The following GOLM1 variants were observed in gnomAD, a reference collection of about 807,000 sequenced individuals.
GOLM1 encodes the protein epididymis luminal protein 46.
Under a neutral mutation model 50.5 loss-of-function variants are expected in GOLM1, and 31 were observed. The observed-to-expected ratio is 0.61, with a 90% CI of 0.46 to 0.83. GOLM1 has a LOEUF of 0.83. GOLM1 is among the 40% of genes least tolerant of loss of function. GOLM1 has a pLI of 0.00. For missense variants in GOLM1, 491 were observed against 501.3 expected (o/e 0.98, Z 0.20); for synonymous variants, 178 against 192.8 (o/e 0.92, Z 0.64).
intron 1 of GOLM1, among the ~76,000 whole-genome samples, chr9:86,081,924 C>G (rs1217884433): frequency 6.6e-6 from 1 of 151,442 alleles, no homozygotes; most frequent in East Asian, 1.9e-4. Flanking sequence ...TTACATCCCC[C>G]TCATCCTACT....
intron 3 of GOLM1, among the ~76,000 whole-genome samples, chr9:86,074,270 A>G (rs1476481534): frequency 1.3e-5 from 2 of 152,090 alleles, no homozygotes; most frequent in African/African-American, 2.4e-5. Context: ...GACAATGTAT[A>G]AAAAAGTATT....
intron 3 of GOLM1, among the ~76,000 whole-genome samples, chr9:86,053,569 A>AC (rs1833864189): frequency 2.7e-3 from 1 of 370 alleles, no homozygotes; most frequent in Non-Finnish European, 9.1e-3. Flanking sequence ...ACACACACAC[A>AC]TCACACACAC....
chr9:86,075,932 T>C (rs1348756580), intron 3 of GOLM1, among the ~76,000 whole-genome samples: 1 of 152,178 alleles, frequency 6.6e-6, no homozygotes. Flanking sequence ...CTTGCAAATA[T>C]AGGAAAGTAC....
rs761864128 is a variant in GOLM1 at position 86,035,507 on chromosome 9, T to TC, written c.875dup (p.Ala293SerfsTer27). On this transcript the variant is annotated frameshift_variant, in exon 8 of 10. Transcript: ENST00000388712. LOFTEE classifies it high-confidence loss of function. ...GTGGGGTCTGGCCCAGTTCTCCGGCTCCCCCGAAGCCTCTTCCACCTACAG... is the reference window on the plus strand; with the variant it reads ...GTGGGGTCTGGCCCAGTTCTCCGGCTCCCCCCGAAGCCTCTTCCACCTACAG... The TC allele has an allele frequency of 6.2e-7, 1 of 1,612,138 alleles. No homozygotes were observed. The highest frequency in any genetic ancestry group is 2.2e-5 in the East Asian group (1 of 44,798).
At chr9:86,080,352 T>C (rs1190330738) in intron 1 of GOLM1, among the ~76,000 whole-genome samples, 2 of 152,208 alleles carry the variant, frequency 1.3e-5, no homozygotes, top group Non-Finnish European at 2.9e-5. Flanking sequence ...CTTTTCCAAA[T>C]GGCTTTTCCC....
At chr9:86,043,924 T>C (rs906245706) in intron 5 of GOLM1, among the ~76,000 whole-genome samples, 4 of 152,206 alleles carry the variant, frequency 2.6e-5, no homozygotes, top group Non-Finnish European at 5.9e-5. Flanking sequence ...TTTCAATCTA[T>C]ATGAGGGAAA....
At chr9:86,059,693 G>A (rs866303300) in intron 3 of GOLM1, among the ~76,000 whole-genome samples, 6 of 151,766 alleles carry the variant, frequency 4.0e-5, no homozygotes, top group South Asian at 4.2e-4. Flanking sequence ...TCAGGAGTTC[G>A]AGACCAGCCT....
At chr9:86,093,784 C>A (rs1480963096) in intron 1 of GOLM1, among the ~76,000 whole-genome samples, 1 of 152,186 alleles carries the variant, frequency 6.6e-6, no homozygotes. Flanking sequence ...AGCCCCTTGA[C>A]CCTCCTAGTC....
intron 6 of GOLM1, among the ~76,000 whole-genome samples, chr9:86,037,720 A>G (rs1340888856): frequency 6.6e-6 from 1 of 151,044 alleles, no homozygotes; most frequent in African/African-American, 2.5e-5. Flanking sequence ...GCCTGGAGAC[A>G]GACAGCCCAA....
At chr9:86,048,534 T>C (rs1833632726) in intron 4 of GOLM1, among the ~76,000 whole-genome samples, 1 of 152,206 alleles carries the variant, frequency 6.6e-6, no homozygotes, top group Non-Finnish European at 1.5e-5. Flanking sequence ...CTCCAGCACC[T>C]GTTGTTTCCT....
chr9:86,036,255 G>A, intron 7 of GOLM1, 93 bp downstream of exon 7: 1 of 1,327,154 alleles, frequency 7.5e-7, no homozygotes, highest in East Asian at 2.3e-5. Context: ...GCCGCTGCCG[G>A]GTTCACTGAC....
At chr9:86,050,485 C>T (rs1428337133) in intron 4 of GOLM1, among the ~76,000 whole-genome samples, 1 of 152,126 alleles carries the variant, frequency 6.6e-6, no homozygotes, top group Non-Finnish European at 1.5e-5. Flanking sequence ...TGTGAATTGC[C>T]TGGTCCTGGA....
chr9:86,026,808 T>TA lies in GOLM1; in HGVS notation c.*1008dup. ...TTTAAAATCAGTTTTGTGAGTCATT[T>TA]ACCACAAGCTAAATGTGTACACTAT... On this transcript the variant is annotated 3_prime_UTR_variant, in exon 10 of 10. Transcript: ENST00000388712. The TA allele has an allele frequency of 3.1e-6, 3 of 978,118 alleles. No individual in the cohort carries two copies. The highest frequency in any genetic ancestry group is 3.6e-6 in the Non-Finnish European group (3 of 823,224). 60.6% of individuals were successfully genotyped at this position (978,118 alleles called of 1,614,324 possible). A position where few individuals can be genotyped will look rare whatever the true frequency, so the allele number is the denominator to read the frequency against.
In GOLM1 at chr9:86,026,519, G is replaced by A. The variant is rs1832788770; in HGVS notation, c.*1298C>T. 1 of 880,702 alleles carries A rather than the reference G, an allele frequency of 1.1e-6. No homozygotes were observed. Among genetic ancestry groups the A allele is most frequent in the Admixed American group, 6.2e-5 (1 of 16,140 alleles). 54.6% of individuals were successfully genotyped at this position (880,702 alleles called of 1,614,324 possible). A position where few individuals can be genotyped will look rare whatever the true frequency, so the allele number is the denominator to read the frequency against. On this transcript the variant is annotated 3_prime_UTR_variant, in exon 10 of 10. Coordinates refer to ENST00000388712, the MANE Select transcript of GOLM1 (RefSeq NM_016548.4). Reference sequence around the variant, plus strand: ...CAGCTAGATGCTCTGTAACTTCTAGGCCCCATTTTCCCCTCTGAAAATAAG... The same window carrying A: ...CAGCTAGATGCTCTGTAACTTCTAGACCCCATTTTCCCCTCTGAAAATAAG...
intron 1 of GOLM1, among the ~76,000 whole-genome samples, chr9:86,084,525 C>T (rs1351224745): frequency 6.6e-6 from 1 of 151,886 alleles, no homozygotes; most frequent in Non-Finnish European, 1.5e-5. Context: ...TTGGCCAGCA[C>T]GGTTAAAAAG....
chr9:86,091,144 AT>A (rs1341163656), intron 1 of GOLM1, among the ~76,000 whole-genome samples: 1 of 152,092 alleles, frequency 6.6e-6, no homozygotes, highest in Non-Finnish European at 1.5e-5. Context: ...AAATGCAGAA[AT>A]CACCTGTCTT....
At chr9:86,044,887 G>T (rs1229055001) in intron 5 of GOLM1, among the ~76,000 whole-genome samples, 2 of 151,888 alleles carry the variant, frequency 1.3e-5, no homozygotes, top group Non-Finnish European at 2.9e-5. Context: ...GGGAGGCAGA[G>T]GTTGCAGTGA....
At chr9:86,074,563 G>A (rs1209385462) in intron 3 of GOLM1, among the ~76,000 whole-genome samples, 1 of 152,218 alleles carries the variant, frequency 6.6e-6, no homozygotes, top group Non-Finnish European at 1.5e-5. Context: ...ACTGAAGGAA[G>A]GCGGCGGCCA....
intron 1 of GOLM1, among the ~76,000 whole-genome samples, chr9:86,084,768 C>T (rs557523803): frequency 6.8e-4 from 103 of 152,194 alleles, no homozygotes; most frequent in African/African-American, 2.3e-3. Context: ...TCCTTCCTTT[C>T]GCTGGGCACG....
Sources: gnomAD v4.1 joint callset for allele counts (sites outside exome capture counted in the v4.1 genomes callset) on GRCh38, gnomAD v4.1.1 for gene constraint, MANE v1.5 for transcripts, NCBI Gene and HGNC (gene_info 2026-07-23, HGNC 2026-07-21) for gene names.